Variants in HPN observed in about 807,000 individuals in gnomAD.
HPN encodes serine protease hepsin.
Under a neutral mutation model 55.9 loss-of-function variants are expected in HPN, and 13 were observed. The ratio of observed to expected loss-of-function variants is 0.23; its 90% CI spans 0.15 to 0.37. HPN has a LOEUF of 0.37. Among genes scored for constraint, HPN ranks in the 10% least tolerant of loss-of-function variants. The pLI, the probability that HPN is intolerant of heterozygous loss-of-function variation, is 1.00. For missense variants in HPN, 451 were observed against 575.8 expected (o/e 0.78, Z 2.22); for synonymous variants, 225 against 240.3 (o/e 0.94, Z 0.59).
At chr19:35,043,310 T>A (rs1341209876) in intron 2 of HPN, among the ~76,000 whole-genome samples, 1 of 152,194 alleles carries the variant, frequency 6.6e-6, no homozygotes, top group African/African-American at 2.4e-5. Flanking sequence ...CTAGCCTGGC[T>A]TCCTTTCTAC....
chr19:35,065,339 T>C lies in HPN; in HGVS notation c.901T>C (p.Tyr301His), dbSNP rs745927164. Residue 301 changes from tyrosine to histidine, a missense_variant, in exon 10 of 13, where the codon TAC (tyrosine) becomes CAC (histidine). Transcript: ENST00000672452. ...CTVTGWGNTQ[Y>H]YGQQAGVLQE... ...CGTGACGGGCTGGGGCAACACGCAG[T>C]ACTATGGTGAGTCCTGTCCTCTGCC... 7 of 1,612,982 alleles carry C rather than the reference T, an allele frequency of 4.3e-6. No individual in the cohort carries two copies. In the African/African-American group the frequency reaches 9.3e-5, roughly 22 times the overall value.
intron 2 of HPN, among the ~76,000 whole-genome samples, chr19:35,045,530 T>A (rs1263479212): frequency 2.0e-5 from 3 of 151,726 alleles, no homozygotes; most frequent in Admixed American, 1.3e-4. Context: ...ACCCAAGGCA[T>A]CCAGAGGGGC....
chr19:35,057,295 A>C lies in HPN; in HGVS notation c.161-2378A>C, dbSNP rs181575027. On this transcript the variant is annotated intron_variant, in intron 4 of 12. Coordinates refer to ENST00000672452, the MANE Select transcript of HPN (RefSeq NM_001384133.1). ...CAAAAAATTAGCCAAGTGTGGTGGC[A>C]TGTGTCTGTAGCTCCAGCTACTCGG... Among the ~76,000 whole-genome samples, 485 of 152,128 alleles carry C rather than the reference A, an allele frequency of 3.2e-3. 5 individuals are homozygous for C. Among genetic ancestry groups the C allele is most frequent in the Admixed American group, 5.0e-3 (77 of 15,274 alleles).
intron 11 of HPN, 27 bp downstream of exon 11, chr19:35,065,708 CT>C (rs1322020097): frequency 2.3e-5 from 37 of 1,613,106 alleles, no homozygotes; most frequent in Non-Finnish European, 3.0e-5. Flanking sequence ...GGGCAGCCCC[CT>C]GGTCGCTGCC....
At chr19:35,042,238 G>T in intron 1 of HPN, 1 of 1,324,976 alleles carries the variant, frequency 7.5e-7, no homozygotes, top group South Asian at 1.8e-5. Flanking sequence ...CAGGCATGGG[G>T]GTCCCCATCC....
At chr19:35,043,036 G>T (rs553725130) in intron 2 of HPN, among the ~76,000 whole-genome samples, 1 of 152,266 alleles carries the variant, frequency 6.6e-6, no homozygotes, top group South Asian at 2.1e-4. Flanking sequence ...CTGGTCTGGG[G>T]CTCTGCATAT....
At chr19:35,047,790 G>A (rs949837133) in intron 2 of HPN, among the ~76,000 whole-genome samples, 1 of 151,844 alleles carries the variant, frequency 6.6e-6, no homozygotes, top group Admixed American at 6.6e-5. Context: ...TTGAGTCTGG[G>A]AGTTCACGAC....
chr19:35,040,857 GTGGGTTTGGC>G (rs1270189691), upstream of HPN, among the ~76,000 whole-genome samples: 1 of 152,242 alleles, frequency 6.6e-6, no homozygotes, highest in Non-Finnish European at 1.5e-5. Context: ...TGCGGTGGAG[GTGGGTTTGGC>G]TGGGCACAGC....
chr19:35,046,875 C>T (rs1314403784), intron 2 of HPN, among the ~76,000 whole-genome samples: 1 of 152,110 alleles, frequency 6.6e-6, no homozygotes, highest in Non-Finnish European at 1.5e-5. Flanking sequence ...GTCGCCCAAG[C>T]TGAAGTGCAG....
chr19:35,062,923 G>C (rs1023439012), intron 9 of HPN, among the ~76,000 whole-genome samples: 1 of 152,156 alleles, frequency 6.6e-6, no homozygotes, highest in South Asian at 2.1e-4. Flanking sequence ...TGATCATGAA[G>C]TAGTAATAGC....
At chr19:35,041,621 G>T (rs893957382), upstream of HPN, 2 of 1,154,588 alleles carry the variant, frequency 1.7e-6, no homozygotes, top group Non-Finnish European at 1.1e-6. Flanking sequence ...GCCCCCACAA[G>T]CCCGGCCCCA....
chr19:35,047,607 TC>T (rs772799236), intron 2 of HPN, among the ~76,000 whole-genome samples: 2 of 152,058 alleles, frequency 1.3e-5, no homozygotes, highest in Non-Finnish European at 2.9e-5. Flanking sequence ...TTATCTGTCT[TC>T]TTTGGGTTAT....
intron 4 of HPN, among the ~76,000 whole-genome samples, chr19:35,058,412 T>C (rs1181413222): frequency 6.7e-6 from 1 of 149,258 alleles, no homozygotes; most frequent in East Asian, 2.0e-4. Context: ...ACTCCTGACC[T>C]TGTGATCCAC....
rs77154090 is a variant in HPN, at chr19:35,063,327, G to C, written c.812-1923G>C. On this transcript the variant is annotated intron_variant, in intron 9 of 12. Transcript: ENST00000672452. Reference sequence around the variant, plus strand: ...AGAATCCAGGGCCATGTTGGGGTTGGCATTATGTTTATTTTTATGTTTATT... The same window carrying C: ...AGAATCCAGGGCCATGTTGGGGTTGCCATTATGTTTATTTTTATGTTTATT... Among the ~76,000 whole-genome samples the C allele has an allele frequency of 4.6e-5, 7 of 152,374 alleles. No homozygotes were observed. The East Asian group carries it at 1.3e-3, about 29-fold the overall frequency.
At chr19:35,061,115 G>C (rs371505675) in intron 9 of HPN, among the ~76,000 whole-genome samples, 1 of 152,138 alleles carries the variant, frequency 6.6e-6, no homozygotes, top group Admixed American at 6.5e-5. Context: ...ACCAAAACTC[G>C]TACATCAGTG....
In HPN at chr19:35,065,327, G is replaced by A; in HGVS notation, c.889G>A (p.Gly297Ser). The A allele has an allele frequency of 6.2e-7, 1 of 1,613,844 alleles. No homozygotes were observed. Among genetic ancestry groups the A allele is most frequent in the Non-Finnish European group, 8.5e-7 (1 of 1,179,828 alleles). Residue 297 changes from glycine (G) to serine (S), a missense_variant, in exon 10 of 13, where the codon GGC becomes AGC. By Grantham distance (56) the Gly-to-Ser change is moderately conservative. This residue lies in a region of HPN where 378 missense variants were observed against 445.5 expected (regional missense o/e 0.85). Transcript: ENST00000672452. ...DGKICTVTGWGNTQYYGQQAG... is the reference protein window; with the variant it reads ...DGKICTVTGWSNTQYYGQQAG... ...CAAGATCTGTACCGTGACGGGCTGG[G>A]GCAACACGCAGTACTATGGTGAGTC...
chr19:35,049,583 A>T, intron 4 of HPN, 67 bp downstream of exon 4: 1 of 1,404,520 alleles, frequency 7.1e-7, no homozygotes. Flanking sequence ...CGGGAGCTCA[A>T]CAAGCGTATT....
Position 35,065,858 on chromosome 19 carries a change from C to G in HPN, c.1051-10C>G. 1 of 1,613,640 alleles carries G rather than the reference C, an allele frequency of 6.2e-7. No homozygotes were observed. Among genetic ancestry groups the G allele is most frequent in the Non-Finnish European group, 8.5e-7 (1 of 1,179,806 alleles). On this transcript the variant is annotated splice_polypyrimidine_tract_variant and intron_variant, in intron 11 of 12. Coordinates refer to ENST00000672452, the MANE Select transcript of HPN (RefSeq NM_001384133.1). ...TTGGCCTTCAGCCAGACCTCCCTCT[C>G]CCCTCCCAGGGCGACAGCGGTGGTC...
At chr19:35,047,285 A>G (rs1390679179) in intron 2 of HPN, among the ~76,000 whole-genome samples, 1 of 152,196 alleles carries the variant, frequency 6.6e-6, no homozygotes, top group Non-Finnish European at 1.5e-5. Context: ...AGCCTCTGAC[A>G]TAAGAGAGCC....
Sources: allele counts gnomAD v4.1 joint callset (sites outside exome capture counted in the v4.1 genomes callset), GRCh38; gene constraint gnomAD v4.1.1; regional missense constraint gnomAD v4.1.1; transcripts MANE v1.5; gene names NCBI Gene and HGNC (gene_info 2026-07-23, HGNC 2026-07-21).